The following KIAA1217 variants were observed in gnomAD, a reference collection of about 807,000 sequenced individuals.
KIAA1217 encodes sickle tail protein homolog.
In KIAA1217, 88 loss-of-function variants were observed where a neutral mutation model predicts 163.9. That is an observed-to-expected ratio of 0.54 (90% CI 0.45 to 0.64). KIAA1217 has a LOEUF of 0.64. Ranked by LOEUF, KIAA1217 falls within the 30% of genes least tolerant of loss-of-function variation. KIAA1217 has a pLI of 0.00. For synonymous variants in KIAA1217, 903 were observed against 923.1 expected (o/e 0.98, Z 0.39); for missense variants, 2,372 against 2,475.0 (o/e 0.96, Z 0.88).
chr10:23,704,202 A>ATATG (rs1195306472), intron 1 of KIAA1217, among the ~76,000 whole-genome samples: 2 of 128,346 alleles, frequency 1.6e-5, no homozygotes, highest in African/African-American at 6.1e-5. Flanking sequence ...ATATATATAT[A>ATATG]TATATATATA....
rs969227756 is a variant in KIAA1217, at chr10:23,801,324, G to A, written c.-321+106090G>A. 4.6e-5 allele frequency among the ~76,000 whole-genome samples: 7 copies of A among 152,246 alleles called. No homozygotes were observed. In the South Asian group the frequency reaches 1.2e-3, roughly 27 times the overall value. On this transcript the variant is annotated intron_variant, in intron 1 of 18. Transcript: ENST00000376462. ...GGAACATAACACACTGGGGCCTGTC[G>A]TGGGAGTGGAAGACTAGGGGAGGGA...
chr10:24,026,636 CAGTT>C (rs1297238116), intron 2 of KIAA1217, among the ~76,000 whole-genome samples: 1 of 150,986 alleles, frequency 6.6e-6, no homozygotes, highest in East Asian at 1.9e-4. Flanking sequence ...CTTTTTTTCT[CAGTT>C]AGGCTGGCTT....
chr10:24,348,611 G>A (rs886348182), intron 2 of KIAA1217, among the ~76,000 whole-genome samples: 4 of 152,070 alleles, frequency 2.6e-5, no homozygotes, highest in Admixed American at 6.6e-5. Flanking sequence ...TTTAAAAATG[G>A]GAAGTTAGTA....
intron 1 of KIAA1217, among the ~76,000 whole-genome samples, chr10:23,732,475 A>G (rs1216601844): frequency 6.6e-6 from 1 of 152,172 alleles, no homozygotes; most frequent in Non-Finnish European, 1.5e-5. Context: ...ATTTTAAGTA[A>G]TCTGGTGATG....
chr10:23,712,710 AGT>A (rs1288320701), intron 1 of KIAA1217, among the ~76,000 whole-genome samples: 1 of 152,106 alleles, frequency 6.6e-6, no homozygotes, highest in Non-Finnish European at 1.5e-5. Context: ...GGAAAGATCA[AGT>A]GTTATCATGC....
chr10:23,879,818 G>A (rs1840871382), intron 1 of KIAA1217, among the ~76,000 whole-genome samples: 1 of 151,828 alleles, frequency 6.6e-6, no homozygotes, highest in Non-Finnish European at 1.5e-5. Flanking sequence ...CAATAATAGA[G>A]GAAAATGATA....
At chr10:23,947,230 A>T (rs1206143739) in intron 1 of KIAA1217, among the ~76,000 whole-genome samples, 1 of 152,194 alleles carries the variant, frequency 6.6e-6, no homozygotes, top group Admixed American at 6.5e-5. Flanking sequence ...TAAGGATTGA[A>T]TGTTTATAAC....
chr10:23,889,937 A>G (rs1178240893), intron 1 of KIAA1217, among the ~76,000 whole-genome samples: 4 of 151,858 alleles, frequency 2.6e-5, no homozygotes, highest in South Asian at 2.1e-4. Context: ...AGACAATGTC[A>G]TATCTTTAGC....
intron 1 of KIAA1217, among the ~76,000 whole-genome samples, chr10:23,954,760 A>G (rs1291713293): frequency 6.6e-6 from 1 of 152,150 alleles, no homozygotes; most frequent in Non-Finnish European, 1.5e-5. Flanking sequence ...TTGCAAGGTG[A>G]GTTTTATTCC....
intron 3 of KIAA1217, among the ~76,000 whole-genome samples, chr10:24,404,246 C>T (rs1048077133): frequency 6.6e-6 from 1 of 152,188 alleles, no homozygotes; most frequent in Non-Finnish European, 1.5e-5. Flanking sequence ...AGGCATGAGC[C>T]ACTGAGCCCA....
intron 6 of KIAA1217, among the ~76,000 whole-genome samples, chr10:24,488,596 T>C (rs1037733524): frequency 2.6e-5 from 4 of 152,318 alleles, no homozygotes; most frequent in African/African-American, 9.6e-5. Flanking sequence ...ACACAGCTTT[T>C]CCACCAATAG....
intron 2 of KIAA1217, among the ~76,000 whole-genome samples, chr10:24,164,891 G>A (rs2065275318): frequency 6.6e-6 from 1 of 152,194 alleles, no homozygotes; most frequent in South Asian, 2.1e-4. Context: ...TGCTCATTGT[G>A]ACAGGGGATA....
At chr10:24,061,110 T>A (rs1454803516) in intron 2 of KIAA1217, among the ~76,000 whole-genome samples, 1 of 152,204 alleles carries the variant, frequency 6.6e-6, no homozygotes, top group Non-Finnish European at 1.5e-5. Flanking sequence ...TGTTGATTTT[T>A]AAAAAATTAA....
intron 1 of KIAA1217, among the ~76,000 whole-genome samples, chr10:23,732,797 A>G (rs1279307337): frequency 2.6e-5 from 4 of 152,070 alleles, no homozygotes; most frequent in Non-Finnish European, 4.4e-5. Context: ...TCTAAGCATT[A>G]CTTTTGTTGT....
At chr10:24,156,878 T>C (rs2064900616) in intron 2 of KIAA1217, among the ~76,000 whole-genome samples, 1 of 152,224 alleles carries the variant, frequency 6.6e-6, no homozygotes. Flanking sequence ...TCATATGGCC[T>C]CTTTGAGTGT....
chr10:23,899,766 T>C (rs1221484685), intron 1 of KIAA1217, among the ~76,000 whole-genome samples: 1 of 152,102 alleles, frequency 6.6e-6, no homozygotes, highest in Non-Finnish European at 1.5e-5. Flanking sequence ...CATATGGGAA[T>C]GTGTATGTGT....
chr10:24,224,690 C>A (rs2070207767), intron 2 of KIAA1217, among the ~76,000 whole-genome samples: 1 of 152,090 alleles, frequency 6.6e-6, no homozygotes, highest in Non-Finnish European at 1.5e-5. Context: ...CATCATGGAG[C>A]ACTGAGAAAT....
At chr10:24,191,135 G>A (rs1470274036) in intron 2 of KIAA1217, among the ~76,000 whole-genome samples, 1 of 152,096 alleles carries the variant, frequency 6.6e-6, no homozygotes, top group Non-Finnish European at 1.5e-5. Flanking sequence ...AACTGAGACT[G>A]TGGCGCTGCA....
At chr10:23,783,762 T>C (rs1835363778) in intron 1 of KIAA1217, among the ~76,000 whole-genome samples, 1 of 152,084 alleles carries the variant, frequency 6.6e-6, no homozygotes, top group Admixed American at 6.6e-5. Context: ...TTGTTCGGGC[T>C]TTTTGTTTCT....
Sources: gnomAD v4.1 joint callset for allele counts (sites outside exome capture counted in the v4.1 genomes callset) on GRCh38, gnomAD v4.1.1 for gene constraint, MANE v1.5 for transcripts, NCBI Gene and HGNC (gene_info 2026-07-23, HGNC 2026-07-21) for gene names.